Variants in NPAS3 observed in about 807,000 individuals in gnomAD.
The protein encoded by NPAS3 is neuronal PAS domain-containing protein 3.
Under a neutral mutation model 73.1 loss-of-function variants are expected in NPAS3, and 14 were observed. The ratio of observed to expected loss-of-function variants is 0.19; its 90% CI spans 0.13 to 0.30. The LOEUF is 0.30. Among genes scored for constraint, NPAS3 ranks in the 10% least tolerant of loss-of-function variants. The pLI is 1.00. For missense variants in NPAS3, 1,096 were observed against 1,250.0 expected, an observed-to-expected ratio of 0.88 and a Z score of 1.86; for synonymous variants, 620 against 541.5, an observed-to-expected ratio of 1.14 and a Z score of -2.01.
chr14:33,545,057 C>T (rs993235473), intron 4 of NPAS3, among the ~76,000 whole-genome samples: 10 of 151,366 alleles, frequency 6.6e-5, no homozygotes, highest in African/African-American at 2.4e-4. Flanking sequence ...TGTCTCTTTC[C>T]ATTAATTTCT....
At chr14:33,629,309 T>A (rs2058313645) in intron 5 of NPAS3, among the ~76,000 whole-genome samples, 1 of 151,830 alleles carries the variant, frequency 6.6e-6, no homozygotes. Flanking sequence ...CTATCAGTGA[T>A]ATGTCAAGAA....
intron 4 of NPAS3, among the ~76,000 whole-genome samples, chr14:33,506,621 T>G (rs1233537377): frequency 1.3e-5 from 2 of 152,082 alleles, no homozygotes; most frequent in African/African-American, 4.8e-5. Flanking sequence ...ATTGATATGA[T>G]TATAAGAGAT....
chr14:33,166,754 C>G (rs1174458059), intron 2 of NPAS3, among the ~76,000 whole-genome samples: 2 of 152,056 alleles, frequency 1.3e-5, no homozygotes, highest in Admixed American at 1.3e-4. Flanking sequence ...GGTACACATA[C>G]GATTCTGCCT....
Position 33,560,213 on chromosome 14 carries a change from A to G in NPAS3, c.558+3A>G. The G allele has an allele frequency of 1.2e-6, 1 of 862,090 alleles. No individual in the cohort carries two copies. Among genetic ancestry groups the G allele is most frequent in the Non-Finnish European group, 2.0e-6 (1 of 496,760 alleles). 53.4% of individuals were successfully genotyped at this position (862,090 alleles called of 1,614,324 possible). A position where few individuals can be genotyped will look rare whatever the true frequency, so the allele number is the denominator to read the frequency against. ...CCATCTACCTAGGCCTCTCACAAGT[A>G]AGTAAAACAATTTTAGATTCTTGGC... On this transcript the variant is annotated splice_donor_region_variant and intron_variant, in intron 5 of 11. Coordinates refer to ENST00000356141, the Ensembl canonical transcript of NPAS3.
intron 1 of NPAS3, among the ~76,000 whole-genome samples, chr14:32,983,244 C>T (rs748871726): frequency 1.3e-5 from 2 of 152,098 alleles, no homozygotes; most frequent in East Asian, 3.9e-4. Context: ...GTTTACATCC[C>T]TGAAAAATAT....
At chr14:32,989,114 G>A (rs2038211340) in intron 1 of NPAS3, among the ~76,000 whole-genome samples, 1 of 152,208 alleles carries the variant, frequency 6.6e-6, no homozygotes, top group Non-Finnish European at 1.5e-5. Context: ...AGGATATTCT[G>A]GTGGCATAGA....
intron 2 of NPAS3, among the ~76,000 whole-genome samples, chr14:33,208,063 T>G (rs1021713090): frequency 6.6e-6 from 1 of 151,774 alleles, no homozygotes; most frequent in Non-Finnish European, 1.5e-5. Flanking sequence ...CAAGGTAAAG[T>G]GCAATTTATT....
At chr14:33,663,094 G>C (rs895042341) in intron 5 of NPAS3, among the ~76,000 whole-genome samples, 1 of 151,832 alleles carries the variant, frequency 6.6e-6, no homozygotes, top group African/African-American at 2.4e-5. Flanking sequence ...GATTGCGCTG[G>C]CCAGAACTTC....
chr14:33,391,436 G>A lies in NPAS3; in HGVS notation c.468+24168G>A, dbSNP rs188493965. Among the ~76,000 whole-genome samples the A allele has an allele frequency of 1.4e-3, 218 of 152,048 alleles. 1 individual carries two copies. The highest frequency in any genetic ancestry group is 7.7e-4 in the Non-Finnish European group (52 of 67,952). ...TTGAACTCCCTACCTCAGGTGATCC[G>A]CCAGTCTTGGCCTCCCAAAGTGCTG... On this transcript the variant is annotated intron_variant, in intron 4 of 11. Transcript: ENST00000356141.
chr14:33,661,721 T>C (rs2059313703), intron 5 of NPAS3, among the ~76,000 whole-genome samples: 1 of 152,248 alleles, frequency 6.6e-6, no homozygotes, highest in Non-Finnish European at 1.5e-5. Context: ...ATACTGGCTT[T>C]GAAAAGGAGA....
At chr14:33,612,566 ACT>A (rs2057785305) in intron 5 of NPAS3, 1 of 452,530 alleles carries the variant, frequency 2.2e-6, no homozygotes, top group Non-Finnish European at 4.4e-6. Context: ...TGAAAAATAA[ACT>A]CTGTATACTT....
At chr14:33,291,057 G>A (rs924291943) in intron 3 of NPAS3, among the ~76,000 whole-genome samples, 12 of 151,832 alleles carry the variant, frequency 7.9e-5, no homozygotes, top group African/African-American at 2.7e-4. Context: ...TTTGCAATAC[G>A]AATGGCTTTA....
intron 3 of NPAS3, among the ~76,000 whole-genome samples, chr14:33,347,681 A>T (rs2044809568): frequency 6.6e-6 from 1 of 152,196 alleles, no homozygotes; most frequent in Non-Finnish European, 1.5e-5. Flanking sequence ...TGGATGCTCC[A>T]GTCCTTGATA....
intron 4 of NPAS3, among the ~76,000 whole-genome samples, chr14:33,371,125 T>A (rs1177095245): frequency 2.0e-5 from 3 of 152,012 alleles, no homozygotes; most frequent in Non-Finnish European, 4.4e-5. Flanking sequence ...GAGAAAGGAA[T>A]GGACAGAAAG....
At chr14:33,693,842 T>C (rs2060300075) in intron 6 of NPAS3, among the ~76,000 whole-genome samples, 1 of 152,228 alleles carries the variant, frequency 6.6e-6, no homozygotes, top group South Asian at 2.1e-4. Context: ...CTAAGACTTT[T>C]TCCCAAGTTG....
At chr14:33,650,253 T>G (rs1054321869) in intron 5 of NPAS3, among the ~76,000 whole-genome samples, 2 of 152,180 alleles carry the variant, frequency 1.3e-5, no homozygotes, top group African/African-American at 4.8e-5. Context: ...ATATGCTACC[T>G]TAACGCAAGC....
intron 7 of NPAS3, among the ~76,000 whole-genome samples, chr14:33,769,379 T>C (rs2062568236): frequency 6.6e-6 from 1 of 152,266 alleles, no homozygotes; most frequent in African/African-American, 2.4e-5. Flanking sequence ...CTCCACTGGT[T>C]ACCATTTGGT....
chr14:32,941,398 T>G (rs1311488744), intron 1 of NPAS3, among the ~76,000 whole-genome samples: 1 of 146,384 alleles, frequency 6.8e-6, no homozygotes, highest in Non-Finnish European at 1.5e-5. Context: ...ATGGCCCCAG[T>G]AATCTCTCTA....
chr14:33,471,978 T>A (rs1296841223), intron 4 of NPAS3, among the ~76,000 whole-genome samples: 12 of 152,230 alleles, frequency 7.9e-5, no homozygotes, highest in Admixed American at 7.2e-4. Context: ...GGGATCTAGG[T>A]TGCACACTCC....
Sources: allele counts gnomAD v4.1 joint callset (sites outside exome capture counted in the v4.1 genomes callset), GRCh38; gene constraint gnomAD v4.1.1; transcripts MANE v1.5; gene names NCBI Gene and HGNC (gene_info 2026-07-23, HGNC 2026-07-21).